The following KRTAP11-1 variants were observed in gnomAD, a reference collection of about 807,000 sequenced individuals.
KRTAP11-1 encodes keratin-associated protein 11-1.
A neutral mutation model predicts 13.9 loss-of-function variants in KRTAP11-1; 17 were observed. The observed-to-expected ratio is 1.23, with a 90% CI of 0.84 to 1.84. The LOEUF (loss-of-function observed/expected upper bound fraction) is 1.84. Ranked by LOEUF, KRTAP11-1 falls within the 40% of genes most tolerant of loss-of-function variation. The pLI, the probability that KRTAP11-1 is intolerant of heterozygous loss-of-function variation, is 0.00. For synonymous variants in KRTAP11-1, 69 were observed against 81.6 expected, an observed-to-expected ratio of 0.85 and a Z score of 0.84; for missense variants, 181 against 200.9, an observed-to-expected ratio of 0.90 and a Z score of 0.60.
Position 30,880,754 on chromosome 21 carries a change from T to A in KRTAP11-1, c.*279A>T, listed in dbSNP as rs572480660. On this transcript the variant is annotated 3_prime_UTR_variant, in exon 1 of 1. Coordinates refer to ENST00000332378, the MANE Select transcript of KRTAP11-1 (RefSeq NM_175858.3). ...GAGATACAGCAGCAAGGTGAAAACA[T>A]GTCAAAAGCATCAGAGACTGGGGTG... The A allele has an allele frequency of 4.7e-6, 2 of 423,432 alleles. No homozygotes were observed. Among genetic ancestry groups the A allele is most frequent in the African/African-American group, 1.9e-5 (1 of 51,396 alleles). 26.2% of individuals were successfully genotyped at this position (423,432 alleles called of 1,614,324 possible).
chr21:30,880,879 A>T lies in KRTAP11-1; in HGVS notation c.*154T>A. The stretch of plus-strand genomic sequence containing the variant: ...CTGGCCAGAAAAATTTTAGAGTGCT[A>T]AAGACAGCGTGTGCATGGATAGTAG... On this transcript the variant is annotated 3_prime_UTR_variant, in exon 1 of 1. Coordinates refer to ENST00000332378, the MANE Select transcript of KRTAP11-1 (RefSeq NM_175858.3). The T allele has an allele frequency of 9.7e-7, 1 of 1,031,258 alleles. No homozygotes were observed. Among genetic ancestry groups the T allele is most frequent in the Non-Finnish European group, 1.4e-6 (1 of 705,216 alleles). The allele number at this position is 1,031,258 out of a possible 1,614,324, so 63.9% of individuals were successfully genotyped here.
In KRTAP11-1 at chr21:30,880,817, A is replaced by G; in HGVS notation, c.*216T>C. 1.7e-6 allele frequency: 1 copy of G among 592,672 alleles called. No homozygotes were observed. The highest frequency in any genetic ancestry group is 3.0e-5 in the Admixed American group (1 of 33,102). 36.7% of individuals were successfully genotyped at this position (592,672 alleles called of 1,614,324 possible). A position where few individuals can be genotyped will look rare whatever the true frequency, so the allele number is the denominator to read the frequency against. ...CTTCTGGACACATCCAGAGGCATAC[A>G]CAGCACCAGTGAGCAACCCTTAAAA... On this transcript the variant is annotated 3_prime_UTR_variant, in exon 1 of 1. Coordinates refer to ENST00000332378, the MANE Select transcript of KRTAP11-1 (RefSeq NM_175858.3).
At position 30,881,163 on chromosome 21, in the gene KRTAP11-1, C is replaced by CA. The variant is rs1431102471; in HGVS notation, c.361dup (p.Cys121LeufsTer47). The CA allele has an allele frequency of 3.1e-6, 5 of 1,614,002 alleles. No individual in the cohort carries two copies. Among genetic ancestry groups the CA allele is most frequent in the Non-Finnish European group, 4.2e-6 (5 of 1,180,018 alleles). On this transcript the variant is annotated frameshift_variant, in exon 1 of 1. Coordinates refer to ENST00000332378, the MANE Select transcript of KRTAP11-1 (RefSeq NM_175858.3). LOFTEE classifies it high-confidence loss of function. ...AGTAGAGATGCCGCCCACTGGTTGGCAGACACTGGAGATGCCTCCCAGGGG... is the reference window on the plus strand; with the variant it reads ...AGTAGAGATGCCGCCCACTGGTTGGCAAGACACTGGAGATGCCTCCCAGGGG...
rs748875728 is a variant in KRTAP11-1 at position 30,881,017 on chromosome 21, A to C, written c.*16T>G. The C allele has an allele frequency of 7.5e-6, 12 of 1,599,202 alleles. No individual in the cohort carries two copies. The highest frequency in any genetic ancestry group is 9.4e-6 in the Non-Finnish European group (11 of 1,170,644). ...CAGGTCGTGGAGTCTTGATTCGCTCACTGGCTCCTACACACTTAGCAGGTT... is the reference window on the plus strand; with the variant it reads ...CAGGTCGTGGAGTCTTGATTCGCTCCCTGGCTCCTACACACTTAGCAGGTT... On this transcript the variant is annotated 3_prime_UTR_variant, in exon 1 of 1. Transcript: ENST00000332378.
rs922652169 is a variant in KRTAP11-1, at chr21:30,880,955, G to A, written c.*78C>T. 6.5e-7 allele frequency: 1 copy of A among 1,538,226 alleles called. No individual in the cohort carries two copies. Among genetic ancestry groups the A allele is most frequent in the Non-Finnish European group, 8.8e-7 (1 of 1,136,280 alleles). On this transcript the variant is annotated 3_prime_UTR_variant, in exon 1 of 1. Coordinates refer to ENST00000332378, the MANE Select transcript of KRTAP11-1 (RefSeq NM_175858.3). ...GGTCAGCTATGAAGAGCTATTCAGGGACAAGCAGCATGCTGGAAGATCCTG... is the reference window on the plus strand; with the variant it reads ...GGTCAGCTATGAAGAGCTATTCAGGAACAAGCAGCATGCTGGAAGATCCTG...
In KRTAP11-1 at chr21:30,881,278, C is replaced by T. The variant is rs1986206516; in HGVS notation, c.247G>A (p.Val83Met). The change falls in exon 1 of 1, where the codon GTG becomes ATG. Residue 83 changes from valine (V) to methionine (M), a missense_variant. Transcript: ENST00000332378. ...RTSCVSNPCQ[V>M]TCSRQTTCIS... ...CAGGTAGTTTGTCGAGAGCAAGTCACCTGGCAAGGGTTGGAGACACATGAA... is the reference window on the plus strand; with the variant it reads ...CAGGTAGTTTGTCGAGAGCAAGTCATCTGGCAAGGGTTGGAGACACATGAA... 1 of 1,614,130 alleles carries T rather than the reference C, an allele frequency of 6.2e-7. No individual in the cohort carries two copies.
At position 30,881,117 on chromosome 21, in the gene KRTAP11-1, T is replaced by C; in HGVS notation, c.408A>G (p.Gly136=). Residue 136 remains glycine (G), a synonymous_variant, in exon 1 of 1, where the codon GGA becomes GGG. Coordinates refer to ENST00000332378, the MANE Select transcript of KRTAP11-1 (RefSeq NM_175858.3). The stretch of plus-strand genomic sequence containing the variant: ...AGGCTGGCTGGCAGACAGTAGAGAC[T>C]CCTCCCACTGGTTGGCAGACAGTAG... ...GISTVCQPVG[G]VSTVCQPACG... 6.2e-7 allele frequency: 1 copy of C among 1,614,026 alleles called. No individual in the cohort carries two copies. The highest frequency in any genetic ancestry group is 8.5e-7 in the Non-Finnish European group (1 of 1,180,008).
Position 30,881,479 on chromosome 21 carries a change from C to T in KRTAP11-1, c.46G>A (p.Gly16Arg). The change falls in exon 1 of 1, where the codon GGA becomes AGA. Residue 16 changes from glycine to arginine, a missense_variant. Coordinates refer to ENST00000332378, the MANE Select transcript of KRTAP11-1 (RefSeq NM_175858.3). ...STRNCSSRPI[G>R]GRCIVPVAQV... ...GCCACTGGAACAATGCAGCGTCCTC[C>T]AATGGGCCTGGAAGAGCAATTTCTT... is the stretch of plus-strand genomic sequence containing the variant. 6.2e-7 allele frequency: 1 copy of T among 1,613,828 alleles called. No individual in the cohort carries two copies.
chr21:30,881,243 G>T lies in KRTAP11-1; in HGVS notation c.282C>A (p.Asn94Lys), dbSNP rs758065754. The T allele has an allele frequency of 6.2e-7, 1 of 1,614,192 alleles. No individual in the cohort carries two copies. The highest frequency in any genetic ancestry group is 1.3e-5 in the African/African-American group (1 of 75,054). The change falls in exon 1 of 1, where the codon AAC (asparagine) becomes AAA (lysine). Residue 94 changes from asparagine (N) to lysine (K), a missense_variant. Transcript: ENST00000332378. ...GCCGGCTGTAGGTAGTTGAGCAGGG[G>T]TTGGAAATACAGGTAGTTTGTCGAG... ...TCSRQTTCIS[N>K]PCSTTYSRPL...
Position 30,880,981 on chromosome 21 carries a change from G to A in KRTAP11-1, c.*52C>T. On this transcript the variant is annotated 3_prime_UTR_variant, in exon 1 of 1. Transcript: ENST00000332378. ...ACAAGCAGCATGCTGGAAGATCCTG[G>A]AAACAGCTGGCAGGTCGTGGAGTCT... 1 of 1,565,214 alleles carries A rather than the reference G, an allele frequency of 6.4e-7. No individual in the cohort carries two copies. The highest frequency in any genetic ancestry group is 8.7e-7 in the Non-Finnish European group (1 of 1,154,174).
rs1277556522 is a variant in KRTAP11-1 at position 30,881,317 on chromosome 21, A to G, written c.208T>C (p.Cys70Arg). The change falls in exon 1 of 1, where the codon TGT (cysteine) becomes CGT (arginine). Residue 70 changes from cysteine (C) to arginine (R), a missense_variant. By Grantham distance (180) the Cys-to-Arg change is radical. Coordinates refer to ENST00000332378, the MANE Select transcript of KRTAP11-1 (RefSeq NM_175858.3). ...CCEPTACQPT[C>R]YRRTSCVSNP... is the part of the protein sequence containing the mutation. ...GAGACACATGAAGTTCGCCGGTAAC[A>G]GGTTGGCTGGCAAGCAGTGGGCTCA... is the stretch of plus-strand genomic sequence containing the variant. 1.2e-6 allele frequency: 2 copies of G among 1,614,024 alleles called. No homozygotes were observed. The highest frequency in any genetic ancestry group is 2.7e-5 in the African/African-American group (2 of 74,928).
rs1042393274 is a variant in KRTAP11-1 at position 30,880,713 on chromosome 21, C to A, written c.*320G>T. 9.7e-6 allele frequency: 3 copies of A among 310,600 alleles called. No individual in the cohort carries two copies. Among genetic ancestry groups the A allele is most frequent in the African/African-American group, 6.3e-5 (3 of 47,924 alleles). 19.2% of individuals were successfully genotyped at this position (310,600 alleles called of 1,614,324 possible). On this transcript the variant is annotated 3_prime_UTR_variant, in exon 1 of 1. Transcript: ENST00000332378. Reference sequence around the variant, plus strand: ...AGACAAGCTCTGTTTTTGTGAGACACAAAAGCAGAGGCCAGGAGATACAGC... The same window carrying A: ...AGACAAGCTCTGTTTTTGTGAGACAAAAAAGCAGAGGCCAGGAGATACAGC...
rs761768745 is a variant in KRTAP11-1, at chr21:30,880,982, A to G, written c.*51T>C. On this transcript the variant is annotated 3_prime_UTR_variant, in exon 1 of 1. Transcript: ENST00000332378. ...CAAGCAGCATGCTGGAAGATCCTGG[A>G]AACAGCTGGCAGGTCGTGGAGTCTT... The G allele has an allele frequency of 2.2e-5, 35 of 1,565,982 alleles. No homozygotes were observed. In the East Asian group the frequency reaches 6.5e-4, roughly 29 times the overall value.
rs1272676167 is a variant in KRTAP11-1, at chr21:30,881,419, A to G, written c.106T>C (p.Cys36Arg). ...CTGGGCAAACAGATGCCGCCCAGGC[A>G]GTCAGCATCAGTGGTGGAAGTCGTG... ...VTTTSTTDADCLGGICLPSSF... is the reference protein window; with the variant it reads ...VTTTSTTDADRLGGICLPSSF... The change falls in exon 1 of 1, where the codon TGC becomes CGC. Residue 36 changes from cysteine (C) to arginine (R), a missense_variant. Transcript: ENST00000332378. The G allele has an allele frequency of 4.3e-6, 7 of 1,614,042 alleles. No individual in the cohort carries two copies. The highest frequency in any genetic ancestry group is 5.9e-6 in the Non-Finnish European group (7 of 1,180,028).
rs560518289 is a variant in KRTAP11-1 at position 30,880,726 on chromosome 21, C to T, written c.*307G>A. Reference sequence around the variant, plus strand: ...TTTTGTGAGACACAAAAGCAGAGGCCAGGAGATACAGCAGCAAGGTGAAAA... The same window carrying T: ...TTTTGTGAGACACAAAAGCAGAGGCTAGGAGATACAGCAGCAAGGTGAAAA... On this transcript the variant is annotated 3_prime_UTR_variant, in exon 1 of 1. Coordinates refer to ENST00000332378, the MANE Select transcript of KRTAP11-1 (RefSeq NM_175858.3). The T allele has an allele frequency of 2.8e-5, 10 of 351,678 alleles. No individual in the cohort carries two copies. The highest frequency in any genetic ancestry group is 2.0e-4 in the African/African-American group (10 of 49,504). The allele number at this position is 351,678 out of a possible 1,614,324, so 21.8% of individuals were successfully genotyped here.
chr21:30,881,158 G>C lies in KRTAP11-1; in HGVS notation c.367C>G (p.Pro123Ala), dbSNP rs1159964447. 2.5e-6 allele frequency: 4 copies of C among 1,614,108 alleles called. No individual in the cohort carries two copies. Among genetic ancestry groups the C allele is most frequent in the Non-Finnish European group, 1.7e-6 (2 of 1,180,000 alleles). The change falls in exon 1 of 1, where the codon CCA becomes GCA. Residue 123 changes from proline to alanine, a missense_variant. By Grantham distance (27) the Pro-to-Ala change is conservative. Transcript: ENST00000332378. ...CAGACAGTAGAGATGCCGCCCACTGGTTGGCAGACACTGGAGATGCCTCCC... is the reference window on the plus strand; with the variant it reads ...CAGACAGTAGAGATGCCGCCCACTGCTTGGCAGACACTGGAGATGCCTCCC... ...PLGGISSVCQ[P>A]VGGISTVCQP...
chr21:30,881,430 G>A lies in KRTAP11-1; in HGVS notation c.95C>T (p.Thr32Ile). The change falls in exon 1 of 1, where the codon ACT becomes ATT. Residue 32 changes from threonine (T) to isoleucine (I), a missense_variant. Transcript: ENST00000332378. ...GATGCCGCCCAGGCAGTCAGCATCA[G>A]TGGTGGAAGTCGTGGTAACTTGGGC... ...PVAQVTTTST[T>I]DADCLGGICL... 1 of 1,614,152 alleles carries A rather than the reference G, an allele frequency of 6.2e-7. No homozygotes were observed. Among genetic ancestry groups the A allele is most frequent in the Non-Finnish European group, 8.5e-7 (1 of 1,180,004 alleles).
In KRTAP11-1 at chr21:30,881,445, G is replaced by A. The variant is rs745967112; in HGVS notation, c.80C>T (p.Thr27Ile). 2.5e-6 allele frequency: 4 copies of A among 1,614,112 alleles called. No individual in the cohort carries two copies. The Admixed American group carries it at 5.0e-5, about 20-fold the overall frequency. ...GTCAGCATCAGTGGTGGAAGTCGTG[G>A]TAACTTGGGCCACTGGAACAATGCA... ...GRCIVPVAQV[T>I]TTSTTDADCL... The change falls in exon 1 of 1, where the codon ACC becomes ATC. Residue 27 changes from threonine to isoleucine, a missense_variant. By Grantham distance (89) the Thr-to-Ile change is moderately conservative. Coordinates refer to ENST00000332378, the MANE Select transcript of KRTAP11-1 (RefSeq NM_175858.3).
rs1228847621 is a variant in KRTAP11-1, at chr21:30,880,909, C to A, written c.*124G>T. ...CAGCGTGTGCATGGATAGTAGCCAG[C>A]AGTCAGGCGGTCACAAGAAGGGTCA... On this transcript the variant is annotated 3_prime_UTR_variant, in exon 1 of 1. Coordinates refer to ENST00000332378, the MANE Select transcript of KRTAP11-1 (RefSeq NM_175858.3). The A allele has an allele frequency of 2.4e-6, 3 of 1,268,046 alleles. No homozygotes were observed. The highest frequency in any genetic ancestry group is 3.3e-6 in the Non-Finnish European group (3 of 911,114). 78.5% of individuals were successfully genotyped at this position (1,268,046 alleles called of 1,614,324 possible).
Sources: gnomAD v4.1 joint callset for allele counts on GRCh38, gnomAD v4.1.1 for gene constraint, MANE v1.5 for transcripts, NCBI Gene and HGNC (gene_info 2026-07-23, HGNC 2026-07-21) for gene names.